Variants in ACSM2A observed in about 807,000 individuals in gnomAD.
ACSM2A encodes acyl-coenzyme A synthetase ACSM2A, mitochondrial.
In ACSM2A, 72 loss-of-function variants were observed where a neutral mutation model predicts 76.6. The observed-to-expected ratio is 0.94, with a 90% CI of 0.78 to 1.14. ACSM2A has a LOEUF of 1.14. Among genes scored for constraint, ACSM2A ranks in the 50% most tolerant of loss-of-function variants. ACSM2A has a pLI of 0.00. For synonymous variants in ACSM2A, 249 were observed against 255.9 expected (o/e 0.97, Z 0.26); for missense variants, 684 against 708.5 (o/e 0.97, Z 0.39).
chr16:20,468,621 A>G (rs1250054936), intron 3 of ACSM2A, among the ~76,000 whole-genome samples: 1 of 152,198 alleles, frequency 6.6e-6, no homozygotes, highest in Non-Finnish European at 1.5e-5. Flanking sequence ...TGGCCTCCCA[A>G]AATGCTAGGA....
At chr16:20,478,990 G>A (rs1400527478) in intron 10 of ACSM2A, among the ~76,000 whole-genome samples, 11 of 152,148 alleles carry the variant, frequency 7.2e-5, no homozygotes, top group Admixed American at 6.5e-4. Context: ...TCCCCCAAGG[G>A]CTGCCTTTCC....
chr16:20,478,907 G>A (rs969510240), intron 10 of ACSM2A, among the ~76,000 whole-genome samples: 1 of 152,140 alleles, frequency 6.6e-6, no homozygotes, highest in African/African-American at 2.4e-5. Flanking sequence ...TCTTCAGTTA[G>A]CCCTTAGACT....
chr16:20,486,866 A>G lies in ACSM2A; in HGVS notation c.*188A>G. ...TGAAAGAAGAAAGGGAAGGAATGAG[A>G]GAGAGTGAAAAGGAGAGGGTAACAG... On this transcript the variant is annotated 3_prime_UTR_variant, in exon 14 of 14. Transcript: ENST00000573854. 1 of 670,868 alleles carries G rather than the reference A, an allele frequency of 1.5e-6. No homozygotes were observed. Among genetic ancestry groups the G allele is most frequent in the Non-Finnish European group, 2.5e-6 (1 of 407,576 alleles). 41.6% of individuals were successfully genotyped at this position (670,868 alleles called of 1,614,324 possible). A position where few individuals can be genotyped will look rare whatever the true frequency, so the allele number is the denominator to read the frequency against.
intron 1 of ACSM2A, among the ~76,000 whole-genome samples, chr16:20,457,587 A>G (rs1276243882): frequency 1.3e-5 from 2 of 152,170 alleles, no homozygotes; most frequent in Non-Finnish European, 2.9e-5. Flanking sequence ...CAATAGATGT[A>G]GAAAAAGCAT....
chr16:20,471,103 G>A lies in ACSM2A; in HGVS notation c.627G>A (p.Glu209=), dbSNP rs769901035. The A allele has an allele frequency of 3.1e-6, 5 of 1,613,506 alleles. No homozygotes were observed. The African/African-American group carries it at 6.7e-5, about 22-fold the overall frequency. ...CATCCACCACTCATCACTGTGTGGA[G>A]ACTGGAAGCCAGGAAGCATCTGCCA... ...NEASTTHHCV[E]TGSQEASAIY... is the part of the protein sequence containing the mutation. The change falls in exon 5 of 14, where the codon GAG becomes GAA. Residue 209 remains glutamate, a synonymous_variant. Transcript: ENST00000573854.
intron 12 of ACSM2A, chr16:20,482,083 C>A (rs1187986228): frequency 7.1e-5 from 9 of 127,306 alleles, no homozygotes; most frequent in African/African-American, 2.3e-4. Flanking sequence ...TGCAGTGAGC[C>A]GAGATCGTGC....
intron 4 of ACSM2A, among the ~76,000 whole-genome samples, chr16:20,470,231 C>G (rs540991147): frequency 6.6e-6 from 1 of 152,112 alleles, no homozygotes; most frequent in East Asian, 1.9e-4. Context: ...AACTATGACT[C>G]AAATCAGGGG....
chr16:20,475,937 A>G lies in ACSM2A; in HGVS notation c.1098+164A>G, dbSNP rs1049361067. ...ACTGAGTATTGAAAATTCCGCACAG[A>G]ACAAAAAAGGCAAAGTTCCTGTTTT... On this transcript the variant is annotated intron_variant, in intron 8 of 13. Coordinates refer to ENST00000573854, the MANE Select transcript of ACSM2A (RefSeq NM_001308172.2). The G allele has an allele frequency of 2.3e-5, 34 of 1,449,306 alleles. No homozygotes were observed. In the African/African-American group the frequency reaches 4.8e-4, roughly 21 times the overall value. The allele number at this position is 1,449,306 out of a possible 1,614,324, so 89.8% of individuals were successfully genotyped here. A position where few individuals can be genotyped will look rare whatever the true frequency, so the allele number is the denominator to read the frequency against.
At chr16:20,482,151 A>C in intron 12 of ACSM2A, 1 of 152,472 alleles carries the variant, frequency 6.6e-6, no homozygotes, top group Non-Finnish European at 1.4e-5. Context: ...AAAAAAAAAA[A>C]AAAAGAAAGA....
rs2011893299 is a variant in ACSM2A, at chr16:20,453,188, T to A, written c.-9+1507T>A. The A allele has an allele frequency of 2.6e-5, 4 of 152,046 alleles. No homozygotes were observed. In the South Asian group the frequency reaches 8.3e-4, roughly 32 times the overall value. 9.4% of individuals were successfully genotyped at this position (152,046 alleles called of 1,614,324 possible). A position where few individuals can be genotyped will look rare whatever the true frequency, so the allele number is the denominator to read the frequency against. On this transcript the variant is annotated intron_variant, in intron 1 of 13. Transcript: ENST00000573854. ...GAAAGGTGCATGCACAGCCTCACCA[T>A]GCACAGCCTCACCAAGTATCTACTG...
chr16:20,474,579 G>A (rs1484552161), intron 6 of ACSM2A, among the ~76,000 whole-genome samples: 4 of 152,160 alleles, frequency 2.6e-5, no homozygotes, highest in Non-Finnish European at 4.4e-5. Flanking sequence ...CTCAGTTACA[G>A]CAAAAGAAAA....
chr16:20,465,566 G>A lies in ACSM2A; in HGVS notation c.227G>A (p.Gly76Glu), dbSNP rs764852809. Reference protein sequence around the residue: ...SPALWWVNGKGKELMWNFREL... With the variant: ...SPALWWVNGKEKELMWNFREL... ...GCCCTGTGGTGGGTGAATGGGAAGG[G>A]GAAGGAATTAATGTGGAATTTCAGA... Residue 76 changes from glycine to glutamate, a missense_variant, in exon 3 of 14, where the codon GGG (glycine) becomes GAG (glutamate). Transcript: ENST00000573854. 6.2e-7 allele frequency: 1 copy of A among 1,613,972 alleles called. No individual in the cohort carries two copies. Among genetic ancestry groups the A allele is most frequent in the East Asian group, 2.2e-5 (1 of 44,874 alleles).
At chr16:20,467,269 C>T (rs1397687531) in intron 3 of ACSM2A, among the ~76,000 whole-genome samples, 4 of 152,168 alleles carry the variant, frequency 2.6e-5, no homozygotes, top group East Asian at 1.9e-4. Context: ...ACTGGCAGTG[C>T]CTTGTGGTCC....
intron 3 of ACSM2A, among the ~76,000 whole-genome samples, chr16:20,468,241 C>T (rs1271635421): frequency 1.3e-5 from 2 of 152,144 alleles, no homozygotes; most frequent in South Asian, 2.1e-4. Flanking sequence ...TACAGGTATG[C>T]AGTGAGAATC....
Position 20,469,687 on chromosome 16 carries a change from T to C in ACSM2A, c.564T>C (p.Cys188=), listed in dbSNP as rs202233156. 2.7e-4 allele frequency: 433 copies of C among 1,613,346 alleles called. 2 individuals are homozygous for C. The highest frequency in any genetic ancestry group is 5.4e-4 in the East Asian group (24 of 44,852). The change falls in exon 4 of 14, where the codon TGT becomes TGC. Residue 188 remains cysteine, a synonymous_variant. Transcript: ENST00000573854. ...AGCTACTGGTGTCTGAGAAAAGCTG[T>C]GATGGGTGGCTGAACTTCAAGAAAC... ...RIKLLVSEKS[C]DGWLNFKKLL... is the part of the protein sequence containing the mutation.
intron 13 of ACSM2A, among the ~76,000 whole-genome samples, chr16:20,485,942 C>T (rs923750713): frequency 6.6e-6 from 1 of 152,190 alleles, no homozygotes; most frequent in African/African-American, 2.4e-5. Flanking sequence ...AGAGGATCCT[C>T]AACTTCAAAC....
intron 2 of ACSM2A, among the ~76,000 whole-genome samples, chr16:20,464,075 G>A (rs1033756657): frequency 3.3e-5 from 5 of 152,070 alleles, no homozygotes; most frequent in East Asian, 1.9e-4. Context: ...TTCAGTTCCC[G>A]AAAAGTTCCT....
At chr16:20,469,872 A>G (rs28655331) in intron 4 of ACSM2A, among the ~76,000 whole-genome samples, 153 bp downstream of exon 4, 2 of 67,746 alleles carry the variant, frequency 3.0e-5, no homozygotes, top group African/African-American at 1.3e-4. Flanking sequence ...ACACAAGGGT[A>G]TTTTTTTTTT....
intron 1 of ACSM2A, among the ~76,000 whole-genome samples, chr16:20,454,562 A>C (rs574992060): frequency 1.3e-4 from 19 of 151,968 alleles, no homozygotes; most frequent in Admixed American, 9.2e-4. Flanking sequence ...GAGAAATAAC[A>C]ATCAGTACAG....
Sources: allele counts gnomAD v4.1 joint callset (sites outside exome capture counted in the v4.1 genomes callset), GRCh38; gene constraint gnomAD v4.1.1; transcripts MANE v1.5; gene names NCBI Gene and HGNC (gene_info 2026-07-23, HGNC 2026-07-21).